Variants in ALDH1L2 observed in about 807,000 individuals in gnomAD.
ALDH1L2 encodes the protein mitochondrial 10-formyltetrahydrofolate dehydrogenase.
Under a neutral mutation model 111.0 loss-of-function variants are expected in ALDH1L2, and 91 were observed. The observed-to-expected ratio is 0.82, with a 90% CI of 0.69 to 0.98. ALDH1L2 has a LOEUF of 0.98. Among genes scored for constraint, ALDH1L2 ranks in the 50% least tolerant of loss-of-function variants. The pLI, the probability that ALDH1L2 is intolerant of heterozygous loss-of-function variation, is 0.00. For missense variants in ALDH1L2, 995 were observed against 1,126.8 expected (o/e 0.88, Z 1.67); for synonymous variants, 374 against 392.6 (o/e 0.95, Z 0.56).
rs755923527 is a variant in ALDH1L2, at chr12:105,052,825, G to T, written c.1394C>A (p.Pro465Gln). 1 of 1,614,088 alleles carries T rather than the reference G, an allele frequency of 6.2e-7. No homozygotes were observed. The highest frequency in any genetic ancestry group is 1.7e-5 in the Admixed American group (1 of 60,016). Residue 465 changes from proline to glutamine, a missense_variant, in exon 11 of 23, where the codon CCA (proline) becomes CAA (glutamine). Coordinates refer to ENST00000258494, the MANE Select transcript of ALDH1L2 (RefSeq NM_001034173.4). ...AGAATTACTCACAGATCCATCTGTT[G>T]GGTTGATAGTGTCGTAAGTCTTTCC... ...DDGKTYDTIN[P>Q]TDGSTICKVS...
chr12:105,051,387 A>G (rs1223007254), intron 12 of ALDH1L2, among the ~76,000 whole-genome samples: 4 of 152,114 alleles, frequency 2.6e-5, no homozygotes, highest in African/African-American at 4.8e-5. Context: ...TGTGGTTCAG[A>G]AGCTGCCATG....
At chr12:105,045,706 G>A (rs979858029) in intron 15 of ALDH1L2, among the ~76,000 whole-genome samples, 15 of 152,080 alleles carry the variant, frequency 9.9e-5, no homozygotes, top group African/African-American at 3.6e-4. Flanking sequence ...AAATAAAATC[G>A]TTTTTAATGA....
At position 105,022,425 on chromosome 12, in the gene ALDH1L2, A is replaced by T. The variant is rs1874209011; in HGVS notation, c.*1999T>A. On this transcript the variant is annotated 3_prime_UTR_variant, in exon 23 of 23. Transcript: ENST00000258494. ...TTGCAGCCCAGAGAATATTTAAAAC[A>T]CTGCTACTGAGATGAATATTAGAGG... 6.6e-6 allele frequency: 1 copy of T among 152,230 alleles called. No individual in the cohort carries two copies. Among genetic ancestry groups the T allele is most frequent in the South Asian group, 2.1e-4 (1 of 4,836 alleles). The allele number at this position is 152,230 out of a possible 1,614,324, so 9.4% of individuals were successfully genotyped here. A position where few individuals can be genotyped will look rare whatever the true frequency, so the allele number is the denominator to read the frequency against.
chr12:105,046,888 CCTT>C lies in ALDH1L2; in HGVS notation c.1757+8_1757+10del. ...CTCATGATTCACTCAGAGGCACTCT[CCTT>C]ATCTTACCCGAGTGGCTCTTTCTTG... On this transcript the variant is annotated splice_region_variant and intron_variant, in intron 14 of 22. Coordinates refer to ENST00000258494, the MANE Select transcript of ALDH1L2 (RefSeq NM_001034173.4). The C allele has an allele frequency of 6.2e-7, 1 of 1,613,952 alleles. No homozygotes were observed. Among genetic ancestry groups the C allele is most frequent in the Non-Finnish European group, 8.5e-7 (1 of 1,179,872 alleles).
chr12:105,032,174 CTTTTTTTTTTT>C (rs59767606), intron 19 of ALDH1L2, among the ~76,000 whole-genome samples: 9 of 105,984 alleles, frequency 8.5e-5, no homozygotes, highest in Admixed American at 7.7e-4. Context: ...CCTCGAACTT[CTTTTTTTTTTT>C]TTTTTTTTTT....
chr12:105,070,617 A>G lies in ALDH1L2; in HGVS notation c.381T>C (p.Tyr127=), dbSNP rs149872895. The change falls in exon 3 of 23, where the codon TAT becomes TAC. Residue 127 remains tyrosine, a synonymous_variant. Coordinates refer to ENST00000258494, the MANE Select transcript of ALDH1L2 (RefSeq NM_001034173.4). ...TGTGCCTGGGCAGGATGGATGGGTG[A>G]TAAATGATAGAGCCGTGCTTTGGAC... ...IDSPKHGSII[Y]HPSILPRHRG... 6.8e-6 allele frequency: 11 copies of G among 1,614,020 alleles called. No homozygotes were observed. The highest frequency in any genetic ancestry group is 2.7e-5 in the African/African-American group (2 of 74,924).
rs2136046850 is a variant in ALDH1L2, at chr12:105,029,760, A to G, written c.2516+564T>C. On this transcript the variant is annotated intron_variant, in intron 21 of 22. Coordinates refer to ENST00000258494, the MANE Select transcript of ALDH1L2 (RefSeq NM_001034173.4). ...GAAGAATTTTGTGCAGTATACCATG[A>G]GACCCCATTCTATTAAGTATTGTTT... 1.3e-5 allele frequency among the ~76,000 whole-genome samples: 2 copies of G among 152,294 alleles called. 1 individual carries two copies.
rs1266503965 is a variant in ALDH1L2 at position 105,063,040 on chromosome 12, C to T, written c.787-18G>A. On this transcript the variant is annotated intron_variant, in intron 6 of 22. Transcript: ENST00000258494. ...GTGACCATCTAGTAAAGAGATCAAACACAGATTGTAAAATCAGGAGAAAAG... is the reference window on the plus strand; with the variant it reads ...GTGACCATCTAGTAAAGAGATCAAATACAGATTGTAAAATCAGGAGAAAAG... The T allele has an allele frequency of 6.2e-7, 1 of 1,603,626 alleles. No individual in the cohort carries two copies. Among genetic ancestry groups the T allele is most frequent in the Non-Finnish European group, 8.5e-7 (1 of 1,176,684 alleles).
In ALDH1L2 at chr12:105,040,694, C is replaced by A. The variant is rs1875479128; in HGVS notation, c.1864G>T (p.Val622Phe). The change falls in exon 16 of 23, where the codon GTC becomes TTC. Residue 622 changes from valine (V) to phenylalanine (F), a missense_variant and splice_region_variant. Transcript: ENST00000258494. ...GNTLVLKPAQVTPLTALKFAE... is the reference protein window; with the variant it reads ...GNTLVLKPAQFTPLTALKFAE... ...AACTTCAAAGCAGTCAAGGGCGTGA[C>A]CTGAGGAGAAGCAAACAGCAATTAC... 2.5e-6 allele frequency: 4 copies of A among 1,613,934 alleles called. No homozygotes were observed. Among genetic ancestry groups the A allele is most frequent in the Admixed American group, 1.7e-5 (1 of 59,996 alleles).
Position 105,058,082 on chromosome 12 carries a change from A to C in ALDH1L2, c.1278T>G (p.Val426=). ...TCAAGGAAAAGCTTACATAATCTACAACCAGCTCCACCTCTTGATCTTCTC... is the reference window on the plus strand; with the variant it reads ...TCAAGGAAAAGCTTACATAATCTACCACCAGCTCCACCTCTTGATCTTCTC... ...LRGEDQEVEL[V]VDYISKEVNE... Residue 426 remains valine (V), a synonymous_variant, in exon 10 of 23, where the codon GTT becomes GTG. Coordinates refer to ENST00000258494, the MANE Select transcript of ALDH1L2 (RefSeq NM_001034173.4). The C allele has an allele frequency of 1.2e-6, 2 of 1,612,670 alleles. No individual in the cohort carries two copies. The highest frequency in any genetic ancestry group is 8.5e-7 in the Non-Finnish European group (1 of 1,179,504).
intron 12 of ALDH1L2, 104 bp from the exon 13 acceptor site, chr12:105,050,162 G>A (rs11112345): frequency 0.11 from 130,249 of 1,140,668 alleles, 8,008 homozygotes; most frequent in Middle Eastern, 0.16. Flanking sequence ...AAACACATAT[G>A]GATCAGATCT....
chr12:105,076,195 A>C (rs1878044509), intron 1 of ALDH1L2, among the ~76,000 whole-genome samples: 1 of 152,236 alleles, frequency 6.6e-6, no homozygotes, highest in Non-Finnish European at 1.5e-5. Flanking sequence ...TCTTAAGCCC[A>C]GGAAGCTGCA....
rs1875284087 is a variant in ALDH1L2, at chr12:105,038,257, C to CTT, written c.2046-56_2046-55insAA. The CTT allele has an allele frequency of 4.3e-5, 31 of 729,280 alleles. 2 individuals are homozygous for CTT. Among genetic ancestry groups the CTT allele is most frequent in the Non-Finnish European group, 6.6e-5 (30 of 454,026 alleles). The allele number at this position is 729,280 out of a possible 1,614,324, so 45.2% of individuals were successfully genotyped here. A position where few individuals can be genotyped will look rare whatever the true frequency, so the allele number is the denominator to read the frequency against. On this transcript the variant is annotated intron_variant, in intron 17 of 22. Coordinates refer to ENST00000258494, the MANE Select transcript of ALDH1L2 (RefSeq NM_001034173.4). ...TTAGTTAACATCTCTCTCTCTCTCT[C>CTT]TCTCACACACACACACACACAAACA...
chr12:105,035,826 T>TAC (rs1491295030), intron 18 of ALDH1L2, among the ~76,000 whole-genome samples: 1 of 57,220 alleles, frequency 1.7e-5, no homozygotes, highest in South Asian at 7.0e-4. Context: ...ATAGTGTGTC[T>TAC]ATATATATAT....
chr12:105,077,989 G>C (rs1274658847), intron 1 of ALDH1L2, among the ~76,000 whole-genome samples: 1 of 152,164 alleles, frequency 6.6e-6, no homozygotes, highest in African/African-American at 2.4e-5. Context: ...GGAGCATCCG[G>C]CACAGAGTGC....
At chr12:105,051,854 G>A (rs183872632) in intron 12 of ALDH1L2, among the ~76,000 whole-genome samples, 279 of 147,894 alleles carry the variant, frequency 1.9e-3, no homozygotes, top group Non-Finnish European at 3.1e-3. Context: ...GTGCACTCTC[G>A]GCTCACTACA....
intron 19 of ALDH1L2, among the ~76,000 whole-genome samples, chr12:105,032,338 C>T (rs748122435): frequency 4.6e-5 from 7 of 151,870 alleles, no homozygotes; most frequent in Admixed American, 2.6e-4. Context: ...CCACTGCGTC[C>T]GGCTATTCTC....
chr12:105,083,696 C>T (rs565054601), intron 1 of ALDH1L2, among the ~76,000 whole-genome samples: 1 of 152,184 alleles, frequency 6.6e-6, no homozygotes, highest in African/African-American at 2.4e-5. Context: ...CACCGCAGTG[C>T]AACGTGTCCT....
Position 105,052,933 on chromosome 12 carries a change from T to C in ALDH1L2, c.1288-2A>G. The C allele has an allele frequency of 1.9e-6, 3 of 1,613,356 alleles. No individual in the cohort carries two copies. The highest frequency in any genetic ancestry group is 2.5e-6 in the Non-Finnish European group (3 of 1,179,362). On this transcript the variant is annotated splice_acceptor_variant, in intron 10 of 22. Coordinates refer to ENST00000258494, the MANE Select transcript of ALDH1L2 (RefSeq NM_001034173.4). LOFTEE classifies it high-confidence loss of function. ...GATTTCATTGACCTCCTTTGAAATCTGAGAGAAGTATATTAATAGATTCAA... is the reference window on the plus strand; with the variant it reads ...GATTTCATTGACCTCCTTTGAAATCCGAGAGAAGTATATTAATAGATTCAA...
Sources: allele counts gnomAD v4.1 joint callset (sites outside exome capture counted in the v4.1 genomes callset), GRCh38; gene constraint gnomAD v4.1.1; transcripts MANE v1.5; gene names NCBI Gene and HGNC (gene_info 2026-07-23, HGNC 2026-07-21).